The following OTUD7A variants were observed in gnomAD, a reference collection of about 807,000 sequenced individuals.
OTUD7A encodes OTU domain-containing protein 7A.
In OTUD7A, 12 loss-of-function variants were observed where a neutral mutation model predicts 65.7. That is an observed-to-expected ratio of 0.18 (90% CI 0.12 to 0.30). OTUD7A has a LOEUF of 0.30. OTUD7A is among the 10% of genes least tolerant of loss of function. OTUD7A has a pLI of 1.00. For missense variants in OTUD7A, 1,148 were observed against 1,304.8 expected, an observed-to-expected ratio of 0.88 and a Z score of 1.85; for synonymous variants, 641 against 586.3, an observed-to-expected ratio of 1.09 and a Z score of -1.35.
chr15:31,794,694 C>T (rs1358491109), intron 1 of OTUD7A, among the ~76,000 whole-genome samples: 1 of 151,676 alleles, frequency 6.6e-6, no homozygotes, highest in Non-Finnish European at 1.5e-5. Flanking sequence ...ATCAGAGAAT[C>T]GCTTCATCCA....
intron 1 of OTUD7A, among the ~76,000 whole-genome samples, chr15:31,828,802 G>T (rs1896860324): frequency 6.6e-6 from 1 of 152,086 alleles, no homozygotes; most frequent in African/African-American, 2.4e-5. Context: ...TGTCCTCTGG[G>T]CAGGGATGTG....
intron 1 of OTUD7A, among the ~76,000 whole-genome samples, chr15:31,818,033 C>T (rs1896593343): frequency 6.6e-6 from 1 of 152,222 alleles, no homozygotes; most frequent in Admixed American, 6.5e-5. Flanking sequence ...ATGTCACGTT[C>T]ATCCCGTTTG....
chr15:31,693,195 T>C (rs1892996615), intron 1 of OTUD7A, among the ~76,000 whole-genome samples: 1 of 152,226 alleles, frequency 6.6e-6, no homozygotes, highest in East Asian at 1.9e-4. Flanking sequence ...TTCAGGAAAT[T>C]TAAATTCAGG....
intron 1 of OTUD7A, among the ~76,000 whole-genome samples, chr15:31,675,710 T>C (rs1178852320): frequency 6.6e-6 from 1 of 152,148 alleles, no homozygotes; most frequent in Non-Finnish European, 1.5e-5. Context: ...AAATCAACAC[T>C]TTTCCTACAT....
intron 3 of OTUD7A, among the ~76,000 whole-genome samples, chr15:31,648,792 C>T (rs867896351): frequency 1.3e-5 from 2 of 152,284 alleles, no homozygotes; most frequent in Middle Eastern, 3.4e-3. Flanking sequence ...GATGGAGTCT[C>T]GCTCTGTCTC....
intron 1 of OTUD7A, among the ~76,000 whole-genome samples, chr15:31,691,552 T>C (rs1209942576): frequency 6.6e-5 from 10 of 151,960 alleles, no homozygotes; most frequent in African/African-American, 2.4e-4. Flanking sequence ...AGAATGAAAC[T>C]AGACCCTCAT....
intron 1 of OTUD7A, among the ~76,000 whole-genome samples, chr15:31,845,323 C>T (rs953504860): frequency 2.0e-5 from 3 of 152,164 alleles, no homozygotes; most frequent in Non-Finnish European, 2.9e-5. Context: ...GAAAAGGCTG[C>T]GGAGCCACAC....
At chr15:31,580,504 C>A (rs950578868) in intron 3 of OTUD7A, among the ~76,000 whole-genome samples, 10 of 152,266 alleles carry the variant, frequency 6.6e-5, no homozygotes, top group African/African-American at 2.4e-4. Flanking sequence ...GCTAGGTGGA[C>A]ACCTGTATTA....
At chr15:31,488,418 C>T (rs1046228679) in intron 10 of OTUD7A, among the ~76,000 whole-genome samples, 2 of 152,148 alleles carry the variant, frequency 1.3e-5, no homozygotes, top group Non-Finnish European at 2.9e-5. Context: ...GCTGGGGGAC[C>T]TGATGAGAGG....
At position 31,862,520 on chromosome 15, in the gene OTUD7A, G is replaced by A. The variant is rs1897769733; in HGVS notation, c.-100+7987C>T. Among the ~76,000 whole-genome samples, 3 of 152,156 alleles carry A rather than the reference G, an allele frequency of 2.0e-5. No homozygotes were observed. In the East Asian group the frequency reaches 5.8e-4, roughly 29 times the overall value. On this transcript the variant is annotated intron_variant, in intron 1 of 12. Transcript: ENST00000307050. ...CTCAGAATCATGGCGGGAGGTGAAA[G>A]GCACTTCTTACATGGCAGTGGCAAG...
chr15:31,747,975 C>T (rs960344289), intron 1 of OTUD7A, among the ~76,000 whole-genome samples: 7 of 152,150 alleles, frequency 4.6e-5, no homozygotes, highest in African/African-American at 1.7e-4. Flanking sequence ...CTTGTCCATG[C>T]TCTTGGAAAA....
At chr15:31,528,386 G>A (rs1000813180) in intron 6 of OTUD7A, among the ~76,000 whole-genome samples, 15 of 152,368 alleles carry the variant, frequency 9.8e-5, no homozygotes, top group Non-Finnish European at 2.1e-4. Flanking sequence ...GCTAAAGTGG[G>A]ATCGAGGAGA....
chr15:31,595,169 C>G (rs1566935928), intron 3 of OTUD7A, among the ~76,000 whole-genome samples: 2 of 152,142 alleles, frequency 1.3e-5, no homozygotes, highest in Admixed American at 1.3e-4. Context: ...TAGAGTCTAT[C>G]GATGAGTTGG....
intron 5 of OTUD7A, among the ~76,000 whole-genome samples, chr15:31,547,171 T>A (rs1236756732): frequency 3.5e-5 from 4 of 115,488 alleles, no homozygotes; most frequent in Non-Finnish European, 2.1e-5. Context: ...ATCTGCTGGA[T>A]GGAATGTCTT....
At chr15:31,540,220 T>C (rs545664123) in intron 5 of OTUD7A, among the ~76,000 whole-genome samples, 7 of 152,174 alleles carry the variant, frequency 4.6e-5, no homozygotes, top group Non-Finnish European at 8.8e-5. Context: ...GCAAGCAGCA[T>C]TGAAAAATCA....
intron 1 of OTUD7A, among the ~76,000 whole-genome samples, chr15:31,854,022 T>G (rs1897497887): frequency 1.3e-5 from 2 of 152,346 alleles, no homozygotes; most frequent in South Asian, 4.1e-4. Context: ...ATTACTACTG[T>G]AACAAATTAC....
At chr15:31,621,466 A>G in intron 3 of OTUD7A, among the ~76,000 whole-genome samples, 1 of 152,098 alleles carries the variant, frequency 6.6e-6, no homozygotes. Context: ...TTGGGTGCAT[A>G]TATATTTAGG....
At chr15:31,708,897 T>A in intron 1 of OTUD7A, among the ~76,000 whole-genome samples, 1 of 151,232 alleles carries the variant, frequency 6.6e-6, no homozygotes, top group East Asian at 1.9e-4. Flanking sequence ...GAGATACAGG[T>A]GGCCTGGGCT....
intron 1 of OTUD7A, among the ~76,000 whole-genome samples, chr15:31,658,004 T>C (rs1037642403): frequency 2.0e-5 from 3 of 152,142 alleles, no homozygotes; most frequent in Admixed American, 6.5e-5. Context: ...GTCCCATCAA[T>C]GCATGGTGAC....
Sources: allele counts gnomAD v4.1 joint callset (sites outside exome capture counted in the v4.1 genomes callset), GRCh38; gene constraint gnomAD v4.1.1; transcripts MANE v1.5; gene names NCBI Gene and HGNC (gene_info 2026-07-23, HGNC 2026-07-21).